The following TRPM3 variants were observed in gnomAD, a reference collection of about 807,000 sequenced individuals.
The protein encoded by TRPM3 is long transient receptor potential channel 3.
A neutral mutation model predicts 181.2 loss-of-function variants in TRPM3; 77 were observed. The ratio of observed to expected loss-of-function variants is 0.42; its 90% CI spans 0.35 to 0.51. The LOEUF is 0.51. Among genes scored for constraint, TRPM3 ranks in the 20% least tolerant of loss-of-function variants. TRPM3 has a pLI of 0.01. For missense variants in TRPM3, 1,759 were observed against 2,196.7 expected (o/e 0.80, Z 3.98); for synonymous variants, 745 against 796.4 (o/e 0.94, Z 1.09).
At chr9:71,047,579 CT>C (rs1183470458) in intron 1 of TRPM3, among the ~76,000 whole-genome samples, 1 of 152,144 alleles carries the variant, frequency 6.6e-6, no homozygotes, top group East Asian at 1.9e-4. Flanking sequence ...TGGACAGCCC[CT>C]GTAACTCAGG....
chr9:71,161,749 C>A (rs2076282309), intron 1 of TRPM3, among the ~76,000 whole-genome samples: 1 of 152,058 alleles, frequency 6.6e-6, no homozygotes, highest in Non-Finnish European at 1.5e-5. Flanking sequence ...TAGGTTTAGA[C>A]TTTAAGAAAG....
intron 1 of TRPM3, among the ~76,000 whole-genome samples, chr9:70,904,238 A>G (rs116310387): frequency 7.5e-4 from 114 of 152,300 alleles, no homozygotes; most frequent in African/African-American, 2.7e-3. Context: ...ATAAAATAAA[A>G]TACAAAAACA....
intron 4 of TRPM3, among the ~76,000 whole-genome samples, chr9:70,845,374 G>A (rs145545076): frequency 0.028 from 4,207 of 152,044 alleles, 207 homozygotes; most frequent in African/African-American, 0.095. Context: ...TGAGTAGCTG[G>A]GACTACAGGC....
intron 6 of TRPM3, among the ~76,000 whole-genome samples, chr9:70,786,311 C>CAAAAAAAAAAAAAAAAAAAAAAAAAAAAA (rs71367227): frequency 1.3e-4 from 7 of 54,456 alleles, no homozygotes; most frequent in Non-Finnish European, 2.1e-4. Flanking sequence ...CTAAAAATAC[C>CAAAAAAAAAAAAAAAAAAAAAAAAAAAAA]AAAAAAAAAA....
At chr9:71,137,486 C>T (rs1046577467) in intron 1 of TRPM3, among the ~76,000 whole-genome samples, 2 of 152,112 alleles carry the variant, frequency 1.3e-5, no homozygotes, top group Admixed American at 1.3e-4. Context: ...TTTGAAGATC[C>T]ATTAGTGGGG....
In TRPM3 at chr9:70,654,072, C is replaced by T. The variant is rs77094845; in HGVS notation, c.1346-13412G>A. On this transcript the variant is annotated intron_variant, in intron 9 of 25. Coordinates refer to ENST00000677713, the MANE Select transcript of TRPM3 (RefSeq NM_001366145.2). ...CAGTTTACAGGAGGTGGTCTTGGCT[C>T]TTTTTTTTTTTCTTCCTTGGAAGTT... Among the ~76,000 whole-genome samples the T allele has an allele frequency of 2.0e-5, 3 of 147,390 alleles. No homozygotes were observed. In the East Asian group the frequency reaches 6.0e-4, roughly 29 times the overall value.
intron 1 of TRPM3, among the ~76,000 whole-genome samples, chr9:71,307,431 TTA>T (rs1344756551): frequency 2.6e-5 from 4 of 152,154 alleles, no homozygotes; most frequent in East Asian, 1.9e-4. Context: ...TTATTTTTTC[TTA>T]TATGTTTACA....
chr9:70,535,398 G>A lies in TRPM3; in HGVS notation c.*555C>T. On this transcript the variant is annotated 3_prime_UTR_variant, in exon 26 of 26. Coordinates refer to ENST00000677713, the MANE Select transcript of TRPM3 (RefSeq NM_001366145.2). ...AGAAGTGTTGGCATGAGAAGGATGT[G>A]GGACGTTAGGTAGAACTGCTTGCTG... The A allele has an allele frequency of 1.3e-6, 2 of 1,549,726 alleles. No individual in the cohort carries two copies.
intron 1 of TRPM3, among the ~76,000 whole-genome samples, chr9:71,280,850 AAGG>A (rs1182724682): frequency 3.9e-5 from 6 of 152,318 alleles, no homozygotes; most frequent in African/African-American, 1.4e-4. Flanking sequence ...GCACACATTC[AAGG>A]AGGAACTCTC....
chr9:70,592,858 T>A (rs1171146546), intron 21 of TRPM3, among the ~76,000 whole-genome samples: 3 of 152,086 alleles, frequency 2.0e-5, no homozygotes, highest in African/African-American at 4.8e-5. Context: ...GCCTCCTGAG[T>A]AGCTGGGATT....
chr9:70,578,548 G>A (rs1292200310), intron 22 of TRPM3, among the ~76,000 whole-genome samples: 2 of 152,226 alleles, frequency 1.3e-5, no homozygotes, highest in Non-Finnish European at 2.9e-5. Flanking sequence ...TGACTGTTCA[G>A]ACACCCTAAG....
intron 6 of TRPM3, among the ~76,000 whole-genome samples, chr9:70,804,416 T>C (rs980738712): frequency 7.2e-5 from 11 of 152,232 alleles, no homozygotes; most frequent in African/African-American, 2.4e-4. Flanking sequence ...ACCACTGCTT[T>C]TGAACACATC....
At chr9:71,260,517 T>C (rs1440279528) in intron 1 of TRPM3, among the ~76,000 whole-genome samples, 1 of 152,220 alleles carries the variant, frequency 6.6e-6, no homozygotes, top group African/African-American at 2.4e-5. Flanking sequence ...TCCATGAGCA[T>C]GAAATGTTTT....
At chr9:71,293,849 G>T (rs1006815336) in intron 1 of TRPM3, among the ~76,000 whole-genome samples, 65 of 151,998 alleles carry the variant, frequency 4.3e-4, no homozygotes, top group African/African-American at 1.4e-3. Context: ...TAAGCCAATG[G>T]AATGAGAGAG....
intron 3 of TRPM3, 44 bp downstream of exon 3, chr9:70,862,864 A>G: frequency 6.3e-7 from 1 of 1,595,448 alleles, no homozygotes; most frequent in Non-Finnish European, 8.6e-7. Flanking sequence ...AGGACTTGAG[A>G]CTTGAGATAG....
At chr9:71,253,125 T>C (rs1342827359) in intron 1 of TRPM3, among the ~76,000 whole-genome samples, 1 of 152,196 alleles carries the variant, frequency 6.6e-6, no homozygotes, top group Admixed American at 6.5e-5. Context: ...GTTCCATGTG[T>C]CTGTCTTTCT....
intron 1 of TRPM3, among the ~76,000 whole-genome samples, chr9:71,204,490 A>G (rs1202129444): frequency 1.3e-5 from 2 of 152,190 alleles, no homozygotes; most frequent in African/African-American, 4.8e-5. Flanking sequence ...CGTCAGAGAA[A>G]TGCAAATCAA....
intron 9 of TRPM3, among the ~76,000 whole-genome samples, chr9:70,645,156 G>A (rs1460032292): frequency 6.6e-6 from 1 of 152,162 alleles, no homozygotes; most frequent in Non-Finnish European, 1.5e-5. Flanking sequence ...CAGATTCAAT[G>A]CTATTACCAT....
intron 1 of TRPM3, among the ~76,000 whole-genome samples, chr9:70,926,628 C>T (rs959446069): frequency 2.6e-5 from 4 of 152,136 alleles, no homozygotes; most frequent in Non-Finnish European, 4.4e-5. Context: ...CCAGTCTTGG[C>T]TATCGATTAT....
Sources: allele counts gnomAD v4.1 joint callset (sites outside exome capture counted in the v4.1 genomes callset), GRCh38; gene constraint gnomAD v4.1.1; transcripts MANE v1.5; gene names NCBI Gene and HGNC (gene_info 2026-07-23, HGNC 2026-07-21).